Variants in HDAC9 observed in about 807,000 individuals in gnomAD.
HDAC9 encodes histone deacetylase 9.
In HDAC9, 41 loss-of-function variants were observed where a neutral mutation model predicts 139.4. That is an observed-to-expected ratio of 0.29 (90% CI 0.23 to 0.38). The LOEUF (loss-of-function observed/expected upper bound fraction) is 0.38. HDAC9 is among the 10% of genes least tolerant of loss of function. The probability of loss-of-function intolerance (pLI) is 1.00; values close to 1 mark genes in which losing one functional copy is unlikely to be tolerated. For missense variants in HDAC9, 1,147 were observed against 1,297.0 expected, an observed-to-expected ratio of 0.88 and a Z score of 1.78; for synonymous variants, 517 against 476.2, an observed-to-expected ratio of 1.09 and a Z score of -1.12.
chr7:18,815,945 T>C (rs1249163861), intron 17 of HDAC9, among the ~76,000 whole-genome samples: 1 of 152,242 alleles, frequency 6.6e-6, no homozygotes, highest in Non-Finnish European at 1.5e-5. Flanking sequence ...ATAGCATTGA[T>C]TCTAAAGCAA....
chr7:18,876,249 C>G (rs1010734536), intron 22 of HDAC9, among the ~76,000 whole-genome samples: 3 of 152,112 alleles, frequency 2.0e-5, no homozygotes, highest in African/African-American at 4.8e-5. Flanking sequence ...TTACATATAT[C>G]TATTCATTGG....
At chr7:18,720,409 G>C (rs187104642) in intron 12 of HDAC9, among the ~76,000 whole-genome samples, 140 of 151,304 alleles carry the variant, frequency 9.3e-4, no homozygotes, top group Non-Finnish European at 1.3e-3. Flanking sequence ...CCAATTTATA[G>C]TCTTCTTAAT....
chr7:18,349,361 C>G (rs932195468), intron 1 of HDAC9, among the ~76,000 whole-genome samples: 4 of 138,318 alleles, frequency 2.9e-5, no homozygotes, highest in South Asian at 2.4e-4. Flanking sequence ...CACACACACA[C>G]AGATATTGCC....
At chr7:18,895,648 G>A (rs1432746066) in intron 22 of HDAC9, among the ~76,000 whole-genome samples, 1 of 152,042 alleles carries the variant, frequency 6.6e-6, no homozygotes, top group Non-Finnish European at 1.5e-5. Flanking sequence ...AAAGAAGAAA[G>A]TTTTGACTTG....
chr7:18,939,520 A>G (rs1342172063), intron 23 of HDAC9, among the ~76,000 whole-genome samples: 2 of 152,192 alleles, frequency 1.3e-5, no homozygotes, highest in Non-Finnish European at 2.9e-5. Flanking sequence ...TTCATTGACA[A>G]TATAATTTAT....
At chr7:18,983,832 A>G (rs1785116142) in intron 25 of HDAC9, among the ~76,000 whole-genome samples, 2 of 152,222 alleles carry the variant, frequency 1.3e-5, no homozygotes, top group South Asian at 2.1e-4. Flanking sequence ...TTTTCCTCCA[A>G]AAAGCCATAC....
intron 2 of HDAC9, among the ~76,000 whole-genome samples, chr7:18,564,189 G>A (rs1035535070): frequency 4.0e-5 from 6 of 151,832 alleles, no homozygotes; most frequent in Non-Finnish European, 5.9e-5. Context: ...CTATGTTCAA[G>A]GCCTGCATAG....
At chr7:18,418,101 A>T (rs551500492) in intron 1 of HDAC9, among the ~76,000 whole-genome samples, 1 of 152,152 alleles carries the variant, frequency 6.6e-6, no homozygotes, top group Non-Finnish European at 1.5e-5. Flanking sequence ...CAGGATTGCT[A>T]TCCTTTGATG....
intron 1 of HDAC9, among the ~76,000 whole-genome samples, chr7:18,292,550 C>T (rs140386167): frequency 5.3e-5 from 8 of 151,940 alleles, no homozygotes; most frequent in East Asian, 1.9e-4. Flanking sequence ...AATACAGAGG[C>T]GGGTGGGGAT....
intron 25 of HDAC9, among the ~76,000 whole-genome samples, chr7:18,989,970 A>G (rs529294352): frequency 6.6e-6 from 1 of 151,608 alleles, no homozygotes; most frequent in South Asian, 2.1e-4. Context: ...TTTTTTTCAA[A>G]GTTTTCAACT....
At chr7:18,216,127 TGTGAGA>T (rs1452294445) in intron 2 of HDAC9, among the ~76,000 whole-genome samples, 1 of 131,880 alleles carries the variant, frequency 7.6e-6, no homozygotes, top group Non-Finnish European at 1.6e-5. Flanking sequence ...TGTGTGTGTG[TGTGAGA>T]GAGAGAGAGA....
chr7:18,854,672 A>G (rs1016463670), intron 21 of HDAC9, among the ~76,000 whole-genome samples: 3 of 152,130 alleles, frequency 2.0e-5, no homozygotes, highest in African/African-American at 7.2e-5. Context: ...AAAGAAAAAA[A>G]TACTGAATAG....
chr7:18,975,710 A>C, intron 24 of HDAC9, 96 bp from the exon 25 acceptor site: 10 of 1,188,670 alleles, frequency 8.4e-6, no homozygotes, highest in Non-Finnish European at 1.2e-5. Flanking sequence ...GGGGAATTTT[A>C]ACTTAACAAC....
At chr7:18,177,686 T>C (rs1274176605) in intron 2 of HDAC9, among the ~76,000 whole-genome samples, 2 of 152,212 alleles carry the variant, frequency 1.3e-5, no homozygotes, top group East Asian at 3.9e-4. Context: ...TGGGGTTGTC[T>C]TCTCTAATAG....
At chr7:18,728,693 T>A (rs1241267823) in intron 13 of HDAC9, among the ~76,000 whole-genome samples, 1 of 152,224 alleles carries the variant, frequency 6.6e-6, no homozygotes, top group African/African-American at 2.4e-5. Flanking sequence ...GATTCAGAGC[T>A]TGTTTTTGTG....
At chr7:18,545,284 T>A (rs76622345) in intron 2 of HDAC9, among the ~76,000 whole-genome samples, 8 of 152,010 alleles carry the variant, frequency 5.3e-5, no homozygotes, top group South Asian at 2.1e-4. Flanking sequence ...TTTTTTTTTT[T>A]AAATAATGTC....
intron 1 of HDAC9, among the ~76,000 whole-genome samples, chr7:18,449,753 T>C (rs895862881): frequency 3.9e-5 from 6 of 152,196 alleles, no homozygotes; most frequent in Non-Finnish European, 2.9e-5. Flanking sequence ...CATTTAAATA[T>C]ACTTTTTAAA....
chr7:18,430,952 A>G (rs540209478), intron 1 of HDAC9, among the ~76,000 whole-genome samples: 2 of 152,252 alleles, frequency 1.3e-5, no homozygotes, highest in Admixed American at 6.5e-5. Context: ...GATATTTTCT[A>G]TTCTGTTCCA....
intron 23 of HDAC9, among the ~76,000 whole-genome samples, chr7:18,950,359 G>A (rs1044805812): frequency 6.6e-6 from 1 of 152,066 alleles, no homozygotes; most frequent in Admixed American, 6.6e-5. Flanking sequence ...AATTATGCAA[G>A]AGCAGTTCAC....
Sources: allele counts gnomAD v4.1 joint callset (sites outside exome capture counted in the v4.1 genomes callset), GRCh38; gene constraint gnomAD v4.1.1; transcripts MANE v1.5; gene names NCBI Gene and HGNC (gene_info 2026-07-23, HGNC 2026-07-21).